The following RASGRF2 variants were observed in gnomAD, a reference collection of about 807,000 sequenced individuals.
The protein encoded by RASGRF2 is Ras protein specific guanine nucleotide releasing factor 2, also known as ras-specific guanine nucleotide-releasing factor 2.
A neutral mutation model predicts 151.0 loss-of-function variants in RASGRF2; 76 were observed. That is an observed-to-expected ratio of 0.50 (90% CI 0.42 to 0.61). RASGRF2 has a LOEUF of 0.61. Ranked by LOEUF, RASGRF2 falls within the 20% of genes least tolerant of loss-of-function variation. RASGRF2 has a pLI of 0.00. For synonymous variants in RASGRF2, 504 were observed against 566.5 expected, an observed-to-expected ratio of 0.89 and a Z score of 1.57; for missense variants, 1,148 against 1,564.6, an observed-to-expected ratio of 0.73 and a Z score of 4.49.
At chr5:81,086,620 C>G (rs1752235315) in intron 8 of RASGRF2, among the ~76,000 whole-genome samples, 2 of 152,164 alleles carry the variant, frequency 1.3e-5, no homozygotes, top group Admixed American at 6.5e-5. Context: ...CTCGTAATTG[C>G]TGACCCATTT....
chr5:81,036,139 G>C (rs1750484246), intron 1 of RASGRF2, among the ~76,000 whole-genome samples: 1 of 151,996 alleles, frequency 6.6e-6, no homozygotes, highest in South Asian at 2.1e-4. Context: ...ATAATTTAGA[G>C]GCAAATGTTT....
chr5:80,973,456 T>C lies in RASGRF2; in HGVS notation c.288+12430T>C, dbSNP rs900718039. The stretch of plus-strand genomic sequence containing the variant: ...ATTCCAGTAGCACTAACTTCATGTT[T>C]TCCCAATAATTCCTTAGTCACACCT... On this transcript the variant is annotated intron_variant, in intron 1 of 26. Transcript: ENST00000265080. 2.6e-5 allele frequency among the ~76,000 whole-genome samples: 4 copies of C among 152,252 alleles called. No homozygotes were observed. The East Asian group carries it at 7.7e-4, about 29-fold the overall frequency.
chr5:81,225,628 G>T lies in RASGRF2; in HGVS notation c.3622-50G>T, dbSNP rs549144843. On this transcript the variant is annotated intron_variant, in intron 26 of 26. Transcript: ENST00000265080. ...TGTTAGATTCCGTCAGAAAATGTAC[G>T]CACTGGTGTCTGAAAGAGGTAAAAG... 1.9e-6 allele frequency: 3 copies of T among 1,598,356 alleles called. No individual in the cohort carries two copies. In the East Asian group the frequency reaches 6.8e-5, roughly 36 times the overall value.
intron 4 of RASGRF2, among the ~76,000 whole-genome samples, chr5:81,072,718 A>G (rs1490628830): frequency 6.6e-6 from 1 of 152,190 alleles, no homozygotes; most frequent in East Asian, 1.9e-4. Flanking sequence ...AAACAAAAAA[A>G]ACAGAGAAAC....
At chr5:80,976,072 G>A (rs1580158343) in intron 1 of RASGRF2, among the ~76,000 whole-genome samples, 1 of 152,170 alleles carries the variant, frequency 6.6e-6, no homozygotes, top group South Asian at 2.1e-4. Flanking sequence ...TCAAACTCCT[G>A]ACCTCAGGTG....
chr5:81,045,027 C>T (rs78373722), intron 2 of RASGRF2, among the ~76,000 whole-genome samples: 178 of 152,248 alleles, frequency 1.2e-3, no homozygotes, highest in African/African-American at 4.1e-3. Flanking sequence ...ATCATGACCC[C>T]GGCACATGGT....
chr5:80,993,368 T>C (rs543568679), intron 1 of RASGRF2, among the ~76,000 whole-genome samples: 7 of 152,248 alleles, frequency 4.6e-5, no homozygotes, highest in Admixed American at 4.6e-4. Flanking sequence ...AAGCTTTTGA[T>C]AGTAGAAAGT....
chr5:80,965,579 T>C (rs1355694957), intron 1 of RASGRF2, among the ~76,000 whole-genome samples: 2 of 152,150 alleles, frequency 1.3e-5, no homozygotes, highest in Non-Finnish European at 2.9e-5. Context: ...TACATAAAAA[T>C]GCATTATTGT....
At chr5:80,968,109 G>A (rs1297707246) in intron 1 of RASGRF2, among the ~76,000 whole-genome samples, 1 of 152,374 alleles carries the variant, frequency 6.6e-6, no homozygotes, top group South Asian at 2.1e-4. Flanking sequence ...CAAGCTCTTG[G>A]CATAGGCCTG....
At chr5:81,013,297 G>A (rs1749528079) in intron 1 of RASGRF2, among the ~76,000 whole-genome samples, 1 of 152,202 alleles carries the variant, frequency 6.6e-6, no homozygotes, top group South Asian at 2.1e-4. Flanking sequence ...TTTGAGCAAA[G>A]TTTCTAAGGC....
intron 17 of RASGRF2, among the ~76,000 whole-genome samples, chr5:81,134,692 C>T (rs1349170848): frequency 5.3e-5 from 8 of 152,114 alleles, no homozygotes; most frequent in Admixed American, 5.2e-4. Context: ...AAATCTGACT[C>T]CATATTACTT....
chr5:81,072,404 C>T (rs1321187663), intron 4 of RASGRF2, among the ~76,000 whole-genome samples: 1 of 152,078 alleles, frequency 6.6e-6, no homozygotes, highest in Non-Finnish European at 1.5e-5. Flanking sequence ...AATACGTGAT[C>T]ATTTAGAACA....
intron 1 of RASGRF2, among the ~76,000 whole-genome samples, chr5:80,985,288 T>C (rs549009030): frequency 6.6e-6 from 1 of 152,324 alleles, no homozygotes; most frequent in South Asian, 2.1e-4. Flanking sequence ...ATACTGATTC[T>C]CTTTGATGGG....
rs72771104 is a variant in RASGRF2, at chr5:81,084,500, C to T, written c.1162-1302C>T. Among the ~76,000 whole-genome samples the T allele has an allele frequency of 2.1e-3, 324 of 152,286 alleles. 1 individual carries two copies. The highest frequency in any genetic ancestry group is 3.1e-3 in the Non-Finnish European group (212 of 68,026). ...GATTCTCCTGTTTCCCACCCTTCCA[C>T]GATGAAGGGGGCCTATTTGTGCTTC... On this transcript the variant is annotated intron_variant, in intron 7 of 26. Transcript: ENST00000265080.
chr5:81,026,170 CCCTT>C (rs1001528152), intron 1 of RASGRF2, among the ~76,000 whole-genome samples: 1 of 40,436 alleles, frequency 2.5e-5, no homozygotes, highest in African/African-American at 7.0e-5. Flanking sequence ...CTCTCTTCCT[CCCTT>C]CCTCCCTTCC....
intron 17 of RASGRF2, among the ~76,000 whole-genome samples, chr5:81,157,544 A>G (rs913117386): frequency 7.9e-5 from 12 of 152,304 alleles, no homozygotes; most frequent in Middle Eastern, 6.8e-3. Flanking sequence ...CACAATTCCT[A>G]TGAAAATACC....
chr5:81,190,422 A>C (rs898964142), intron 18 of RASGRF2, among the ~76,000 whole-genome samples: 1 of 152,192 alleles, frequency 6.6e-6, no homozygotes, highest in Non-Finnish European at 1.5e-5. Flanking sequence ...GAAACCTGGA[A>C]ACTTGCACAC....
At chr5:81,144,190 C>T (rs1208747208) in intron 17 of RASGRF2, among the ~76,000 whole-genome samples, 1 of 152,186 alleles carries the variant, frequency 6.6e-6, no homozygotes, top group Non-Finnish European at 1.5e-5. Flanking sequence ...AAAAAATTTT[C>T]AAACTGTTAT....
chr5:81,084,318 C>G (rs1752166595), intron 7 of RASGRF2, among the ~76,000 whole-genome samples: 1 of 152,158 alleles, frequency 6.6e-6, no homozygotes, highest in African/African-American at 2.4e-5. Context: ...TAGAGGCAAA[C>G]TTTTATCAGT....
Sources: gnomAD v4.1 joint callset for allele counts (sites outside exome capture counted in the v4.1 genomes callset) on GRCh38, gnomAD v4.1.1 for gene constraint, MANE v1.5 for transcripts, NCBI Gene and HGNC (gene_info 2026-07-23, HGNC 2026-07-21) for gene names.